Variants in ZNF385B observed in about 807,000 individuals in gnomAD.
ZNF385B encodes the protein zinc finger protein 385B, also known as zinc finger protein 533.
ZNF385B carries 23 observed loss-of-function variants against 39.2 expected under a neutral mutation model. The ratio of observed to expected loss-of-function variants is 0.59; its 90% confidence interval spans 0.42 to 0.83. The LOEUF is 0.83. Among genes scored for constraint, ZNF385B ranks in the 40% least tolerant of loss-of-function variants. The pLI is 0.00. For synonymous variants in ZNF385B, 205 were observed against 222.6 expected (o/e 0.92, Z 0.70); for missense variants, 552 against 598.9 (o/e 0.92, Z 0.82).
chr2:179,590,840 A>G (rs920174594), intron 3 of ZNF385B, among the ~76,000 whole-genome samples: 12 of 152,102 alleles, frequency 7.9e-5, no homozygotes, highest in African/African-American at 2.7e-4. Context: ...GCCTTCCACC[A>G]TGATTGTAAG....
intron 6 of ZNF385B, among the ~76,000 whole-genome samples, chr2:179,456,861 A>G (rs1490486508): frequency 1.3e-5 from 2 of 152,214 alleles, no homozygotes; most frequent in Non-Finnish European, 1.5e-5. Flanking sequence ...TTCAAACACT[A>G]TGAGATAGAA....
Position 179,547,098 on chromosome 2 carries a change from C to A in ZNF385B, c.299-2129G>T, listed in dbSNP as rs1187228691. Among the ~76,000 whole-genome samples the A allele has an allele frequency of 3.1e-4, 47 of 149,450 alleles. 2 individuals carry two copies. On this transcript the variant is annotated intron_variant, in intron 3 of 9. Transcript: ENST00000410066. The stretch of plus-strand genomic sequence containing the variant: ...TTTTTAAAATAGACTTGTTTGAGCT[C>A]CTTATAGAGTCTGGTTATAATCCCA...
chr2:179,689,816 T>G (rs1422181967), intron 3 of ZNF385B, among the ~76,000 whole-genome samples: 1 of 120,294 alleles, frequency 8.3e-6, no homozygotes, highest in Non-Finnish European at 1.8e-5. Context: ...TGTGTGTGTG[T>G]GTGTGTGTGT....
At chr2:179,761,559 A>C (rs74582321) in intron 3 of ZNF385B, among the ~76,000 whole-genome samples, 2 of 151,702 alleles carry the variant, frequency 1.3e-5, no homozygotes, top group African/African-American at 4.8e-5. Context: ...GTTCATTTTT[A>C]GTATATAAAT....
At chr2:179,698,179 A>AT (rs1329805943) in intron 3 of ZNF385B, among the ~76,000 whole-genome samples, 4 of 42,892 alleles carry the variant, frequency 9.3e-5, no homozygotes, top group South Asian at 1.5e-3. Flanking sequence ...TTAAAGTATA[A>AT]TTAAAAAAAA....
chr2:179,791,702 C>T (rs891699580), intron 1 of ZNF385B, among the ~76,000 whole-genome samples: 1 of 152,198 alleles, frequency 6.6e-6, no homozygotes, highest in Admixed American at 6.5e-5. Context: ...AAAAATAATA[C>T]TGAGCCTATC....
intron 3 of ZNF385B, among the ~76,000 whole-genome samples, chr2:179,567,842 C>A (rs1248562536): frequency 1.3e-5 from 2 of 152,194 alleles, no homozygotes. Context: ...CCATCCATGT[C>A]ACTGTCACAT....
chr2:179,712,558 T>C (rs1700072945), intron 3 of ZNF385B, among the ~76,000 whole-genome samples: 1 of 152,126 alleles, frequency 6.6e-6, no homozygotes. Flanking sequence ...AATCTGTCCC[T>C]TTCCATCTCC....
intron 6 of ZNF385B, among the ~76,000 whole-genome samples, chr2:179,482,839 A>G (rs1306805721): frequency 6.6e-6 from 1 of 152,164 alleles, no homozygotes; most frequent in African/African-American, 2.4e-5. Context: ...TACTACAGTA[A>G]GAGAACATAA....
intron 3 of ZNF385B, among the ~76,000 whole-genome samples, chr2:179,633,242 C>G (rs1238183314): frequency 6.6e-6 from 1 of 152,110 alleles, no homozygotes; most frequent in Non-Finnish European, 1.5e-5. Flanking sequence ...CTGGCAGAGA[C>G]ACACCAAATA....
intron 3 of ZNF385B, among the ~76,000 whole-genome samples, chr2:179,694,634 A>G (rs1698582395): frequency 6.6e-6 from 1 of 152,176 alleles, no homozygotes; most frequent in Non-Finnish European, 1.5e-5. Flanking sequence ...TAGGCTTTTG[A>G]AAGAAGACAT....
intron 3 of ZNF385B, among the ~76,000 whole-genome samples, chr2:179,610,290 A>G (rs1689181873): frequency 6.6e-6 from 1 of 152,164 alleles, no homozygotes; most frequent in Non-Finnish European, 1.5e-5. Context: ...CAATTTTCTC[A>G]GCACAATTTA....
At chr2:179,446,336 C>G (rs1466522277) in intron 7 of ZNF385B, among the ~76,000 whole-genome samples, 189 bp downstream of exon 7, 1 of 152,122 alleles carries the variant, frequency 6.6e-6, no homozygotes, top group Non-Finnish European at 1.5e-5. Flanking sequence ...AGTTTGATCT[C>G]CAAACTGCTT....
chr2:179,703,855 T>A (rs1011080451), intron 3 of ZNF385B, among the ~76,000 whole-genome samples: 6 of 152,184 alleles, frequency 3.9e-5, no homozygotes, highest in African/African-American at 1.4e-4. Flanking sequence ...TAATGCCTCA[T>A]GATGGAGGTA....
chr2:179,687,995 T>C (rs148773883), intron 3 of ZNF385B, among the ~76,000 whole-genome samples: 6 of 152,282 alleles, frequency 3.9e-5, no homozygotes, highest in Non-Finnish European at 8.8e-5. Flanking sequence ...ATCTACCCCA[T>C]AGATTTGGTT....
chr2:179,595,150 A>G (rs1191040849), intron 3 of ZNF385B, among the ~76,000 whole-genome samples: 1 of 152,232 alleles, frequency 6.6e-6, no homozygotes, highest in Non-Finnish European at 1.5e-5. Context: ...TATCACTTAA[A>G]AGAATTAATG....
intron 5 of ZNF385B, among the ~76,000 whole-genome samples, chr2:179,516,894 G>A (rs2058127447): frequency 6.7e-6 from 1 of 149,988 alleles, no homozygotes; most frequent in Non-Finnish European, 1.5e-5. Context: ...TTTTATGAAT[G>A]ATCCTATTGA....
intron 3 of ZNF385B, among the ~76,000 whole-genome samples, chr2:179,707,190 C>T (rs16866936): frequency 0.19 from 29,613 of 152,158 alleles, 3,439 homozygotes; most frequent in East Asian, 0.5. Context: ...ACTGCACGCC[C>T]GTGGAATTAG....
At chr2:179,570,009 C>T (rs1219557890) in intron 3 of ZNF385B, among the ~76,000 whole-genome samples, 1 of 152,152 alleles carries the variant, frequency 6.6e-6, no homozygotes, top group Admixed American at 6.5e-5. Flanking sequence ...CTTCACTATT[C>T]TCATGTGATA....
Sources: gnomAD v4.1 joint callset for allele counts (sites outside exome capture counted in the v4.1 genomes callset) on GRCh38, gnomAD v4.1.1 for gene constraint, MANE v1.5 for transcripts, NCBI Gene and HGNC (gene_info 2026-07-23, HGNC 2026-07-21) for gene names.